The following PTPRQ variants were observed in gnomAD, a reference collection of about 807,000 sequenced individuals.
PTPRQ encodes the protein protein tyrosine phosphatase receptor type Q.
PTPRQ carries 199 observed loss-of-function variants against 246.0 expected under a neutral mutation model. That is an observed-to-expected ratio of 0.81 (90% CI 0.72 to 0.91). The LOEUF is 0.91. Ranked by LOEUF, PTPRQ falls within the 40% of genes least tolerant of loss-of-function variation. PTPRQ has a pLI of 0.00. For synonymous variants in PTPRQ, 869 were observed against 853.2 expected, an observed-to-expected ratio of 1.02 and a Z score of -0.32; for missense variants, 2,624 against 2,528.4, an observed-to-expected ratio of 1.04 and a Z score of -0.81.
intron 34 of PTPRQ, among the ~76,000 whole-genome samples, chr12:80,634,269 T>C (rs1393501095): frequency 6.6e-6 from 1 of 152,162 alleles, no homozygotes; most frequent in Non-Finnish European, 1.5e-5. Context: ...ATATTTGAAA[T>C]GTGAAAGATA....
rs190463905 is a variant in PTPRQ, at chr12:80,445,735, G to T, written c.390+18G>T. The stretch of plus-strand genomic sequence containing the variant: ...AAATTAAGGTAATTATTTTGTGTAT[G>T]ACTACTTAGTGTTCAAACATTTCAT... On this transcript the variant is annotated intron_variant, in intron 3 of 44. Transcript: ENST00000644991. 5.1e-3 allele frequency: 7,211 copies of T among 1,424,630 alleles called. 30 individuals are homozygous for T. Among genetic ancestry groups the T allele is most frequent in the Middle Eastern group, 8.2e-3 (46 of 5,622 alleles). The allele number at this position is 1,424,630 out of a possible 1,614,324, so 88.2% of individuals were successfully genotyped here. A position where few individuals can be genotyped will look rare whatever the true frequency, so the allele number is the denominator to read the frequency against.
intron 17 of PTPRQ, among the ~76,000 whole-genome samples, chr12:80,520,347 T>A (rs921764429): frequency 6.6e-6 from 1 of 152,142 alleles, no homozygotes; most frequent in African/African-American, 2.4e-5. Context: ...TTTAATCACA[T>A]ATTACTTTTA....
intron 17 of PTPRQ, among the ~76,000 whole-genome samples, chr12:80,517,997 C>A: frequency 6.6e-6 from 1 of 152,068 alleles, no homozygotes; most frequent in East Asian, 1.9e-4. Flanking sequence ...GGCTATATAC[C>A]CAGCAGTAGG....
chr12:80,501,110 G>C (rs1002517101), intron 14 of PTPRQ, among the ~76,000 whole-genome samples: 3 of 151,886 alleles, frequency 2.0e-5, no homozygotes, highest in African/African-American at 4.8e-5. Flanking sequence ...AGTTGGGGCA[G>C]AGCAGGGCAT....
In PTPRQ at chr12:80,460,679, T is replaced by C. The variant is rs1893133135; in HGVS notation, c.687T>C (p.Ser229=). The C allele has an allele frequency of 2.5e-6, 1 of 398,746 alleles. No individual in the cohort carries two copies. The highest frequency in any genetic ancestry group is 4.4e-6 in the Non-Finnish European group (1 of 226,124). The allele number at this position is 398,746 out of a possible 1,614,324, so 24.7% of individuals were successfully genotyped here. A position where few individuals can be genotyped will look rare whatever the true frequency, so the allele number is the denominator to read the frequency against. The change falls in exon 6 of 45, where the codon AGT becomes AGC. Residue 229 remains serine, a synonymous_variant. Coordinates refer to ENST00000644991, the MANE Select transcript of PTPRQ (RefSeq NM_001145026.2). The part of the protein sequence containing the change: ...CNENSESFLW[S]TASPSPTLGR... Reference sequence around the variant, plus strand: ...AGAATAGTGAATCTTTTTTATGGAGTACAGCCAGCCCTTCTCCAACCCTTG... The same window carrying C: ...AGAATAGTGAATCTTTTTTATGGAGCACAGCCAGCCCTTCTCCAACCCTTG...
At chr12:80,613,048 G>A (rs1898614142) in intron 28 of PTPRQ, among the ~76,000 whole-genome samples, 1 of 150,454 alleles carries the variant, frequency 6.6e-6, no homozygotes, top group South Asian at 2.1e-4. Context: ...GTTTACGGTG[G>A]TGGTTAAAGG....
In PTPRQ at chr12:80,495,073, A is replaced by G; in HGVS notation, c.1681A>G (p.Ser561Gly). 10 of 1,550,526 alleles carry G rather than the reference A, an allele frequency of 6.4e-6. No individual in the cohort carries two copies. The highest frequency in any genetic ancestry group is 8.7e-6 in the Non-Finnish European group (10 of 1,146,214). ...GGGAGAAGGACCACCAACAGTTCTC[A>G]GTGTTAGGACACGTCAGCAAGGTAA... ...IMGEGPPTVL[S>G]VRTRQQVPSS... Residue 561 changes from serine to glycine, a missense_variant, in exon 11 of 45, where the codon AGT becomes GGT. Ser to Gly is a moderately conservative substitution (Grantham distance 56). Coordinates refer to ENST00000644991, the MANE Select transcript of PTPRQ (RefSeq NM_001145026.2).
intron 25 of PTPRQ, among the ~76,000 whole-genome samples, chr12:80,572,595 T>A (rs1269946945): frequency 6.6e-6 from 1 of 152,174 alleles, no homozygotes; most frequent in African/African-American, 2.4e-5. Flanking sequence ...TGTTCCCAAT[T>A]TCAGGGAGAA....
chr12:80,475,174 A>G (rs1267817070), intron 8 of PTPRQ, among the ~76,000 whole-genome samples: 8 of 152,116 alleles, frequency 5.3e-5, no homozygotes, highest in South Asian at 2.1e-4. Context: ...ATATATTTTA[A>G]TAAATCATAT....
At chr12:80,569,129 C>CT (rs778431539) in intron 25 of PTPRQ, among the ~76,000 whole-genome samples, 4,064 of 97,558 alleles carry the variant, frequency 0.042, 61 homozygotes, top group African/African-American at 0.063. Flanking sequence ...GGATACAATT[C>CT]TTTTTTTTTT....
intron 35 of PTPRQ, among the ~76,000 whole-genome samples, chr12:80,642,925 A>AAAAAAC (rs1233635660): frequency 7.1e-6 from 1 of 139,996 alleles, no homozygotes. Flanking sequence ...GTCTTAAAAA[A>AAAAAAC]AAAAAAAAAA....
chr12:80,501,050 C>T (rs1388142647), intron 14 of PTPRQ, among the ~76,000 whole-genome samples: 1 of 151,768 alleles, frequency 6.6e-6, no homozygotes, highest in Non-Finnish European at 1.5e-5. Flanking sequence ...AAAAGTGTTC[C>T]AGAGGAAGAA....
Position 80,541,718 on chromosome 12 carries a change from T to C in PTPRQ, c.3318T>C (p.Tyr1106=), listed in dbSNP as rs1324814672. Residue 1106 remains tyrosine, a synonymous_variant, in exon 21 of 45, where the codon TAT becomes TAC. Coordinates refer to ENST00000644991, the MANE Select transcript of PTPRQ (RefSeq NM_001145026.2). ...ATGTGAGACCACCTCTTGTTACATA[T>C]GAGAGAAGCATATATTTTGATAATC... is the stretch of plus-strand genomic sequence containing the variant. ...PRHVRPPLVT[Y]ERSIYFDNLE... 3.2e-6 allele frequency: 5 copies of C among 1,551,382 alleles called. No individual in the cohort carries two copies. In the South Asian group the frequency reaches 3.6e-5, roughly 11 times the overall value.
intron 35 of PTPRQ, among the ~76,000 whole-genome samples, chr12:80,639,486 C>T (rs917622948): frequency 6.6e-6 from 1 of 152,014 alleles, no homozygotes; most frequent in Admixed American, 6.6e-5. Context: ...TTTTAAGCCT[C>T]AAAGCCCAAT....
At chr12:80,559,453 T>A (rs542932111) in intron 25 of PTPRQ, among the ~76,000 whole-genome samples, 2 of 152,342 alleles carry the variant, frequency 1.3e-5, no homozygotes, top group African/African-American at 4.8e-5. Flanking sequence ...TGTCTATGGA[T>A]GTCTAATTGC....
At chr12:80,529,496 C>T (rs1592619715) in intron 17 of PTPRQ, among the ~76,000 whole-genome samples, 1 of 152,076 alleles carries the variant, frequency 6.6e-6, no homozygotes, top group African/African-American at 2.4e-5. Context: ...CACATTTATA[C>T]TTATGGAAAC....
In PTPRQ at chr12:80,496,062, C is replaced by A. The variant is rs1194143607; in HGVS notation, c.1946C>A (p.Ser649Tyr). 2.8e-5 allele frequency: 44 copies of A among 1,549,982 alleles called. No homozygotes were observed. The highest frequency in any genetic ancestry group is 5.9e-5 in the Admixed American group (3 of 50,760). Residue 649 changes from serine (S) to tyrosine (Y), a missense_variant, in exon 13 of 45, where the codon TCT (serine) becomes TAT (tyrosine). Ser to Tyr is a moderately radical substitution (Grantham distance 144). Transcript: ENST00000644991. ...GCCTCAACCCACGTTGGAGAAAGTT[C>A]TTTGTCTGAAGAAAATGACATCTTT... The part of the protein sequence containing the change: ...VAASTHVGES[S>Y]LSEENDIFVR...
At chr12:80,525,020 G>A (rs1895639421) in intron 17 of PTPRQ, among the ~76,000 whole-genome samples, 1 of 152,084 alleles carries the variant, frequency 6.6e-6, no homozygotes, top group Admixed American at 6.6e-5. Flanking sequence ...AACTCATGTG[G>A]GATATTTCTA....
intron 10 of PTPRQ, among the ~76,000 whole-genome samples, chr12:80,493,691 C>T (rs1894522832): frequency 6.6e-6 from 1 of 152,020 alleles, no homozygotes; most frequent in African/African-American, 2.4e-5. Flanking sequence ...CCTAGAGTCT[C>T]TGGCCAAGCT....
Sources: allele counts gnomAD v4.1 joint callset (sites outside exome capture counted in the v4.1 genomes callset), GRCh38; gene constraint gnomAD v4.1.1; transcripts MANE v1.5; gene names NCBI Gene and HGNC (gene_info 2026-07-23, HGNC 2026-07-21).